BNIP2: variants seen among roughly 807,000 people sequenced by gnomAD.
BNIP2 encodes BCL2/adenovirus E1B 19 kDa protein-interacting protein 2.
Under a neutral mutation model 43.4 loss-of-function variants are expected in BNIP2, and 36 were observed. The ratio of observed to expected loss-of-function variants is 0.83; its 90% CI spans 0.64 to 1.10. BNIP2 has a LOEUF of 1.10. Among genes scored for constraint, BNIP2 ranks in the 50% least tolerant of loss-of-function variants. The pLI, the probability that BNIP2 is intolerant of heterozygous loss-of-function variation, is 0.00. For synonymous variants in BNIP2, 146 were observed against 121.0 expected, an observed-to-expected ratio of 1.21 and a Z score of -1.35; for missense variants, 417 against 374.1, an observed-to-expected ratio of 1.11 and a Z score of -0.95.
intron 2 of BNIP2, among the ~76,000 whole-genome samples, chr15:59,681,528 A>G (rs1893672255): frequency 6.6e-6 from 1 of 150,736 alleles, no homozygotes; most frequent in African/African-American, 2.5e-5. Context: ...GGCTCACGGC[A>G]ACCCCTGCCT....
intron 8 of BNIP2, 27 bp from the exon 9 acceptor site, chr15:59,669,017 T>C (rs545417919): frequency 5.1e-5 from 79 of 1,562,032 alleles, no homozygotes; most frequent in Non-Finnish European, 6.5e-5. Flanking sequence ...AAATAATTAC[T>C]TCCATATTTC....
chr15:59,677,543 G>A (rs576516893), intron 5 of BNIP2, among the ~76,000 whole-genome samples: 1 of 152,300 alleles, frequency 6.6e-6, no homozygotes, highest in East Asian at 1.9e-4. Flanking sequence ...CTTTACCAAA[G>A]GAGGGGAGAC....
chr15:59,673,429 T>C (rs574968812), intron 5 of BNIP2, among the ~76,000 whole-genome samples: 1 of 152,058 alleles, frequency 6.6e-6, no homozygotes, highest in Non-Finnish European at 1.5e-5. Context: ...GGTGCTTTTT[T>C]AAATTTTTTT....
intron 5 of BNIP2, chr15:59,676,835 C>A: frequency 1.9e-6 from 3 of 1,555,648 alleles, no homozygotes; most frequent in Non-Finnish European, 2.6e-6. Flanking sequence ...CCCTTCCTGC[C>A]GGGAATTCTG....
At chr15:59,677,032 T>C (rs1893345734) in intron 5 of BNIP2, 12 of 1,612,206 alleles carry the variant, frequency 7.4e-6, no homozygotes, top group East Asian at 2.2e-5. Flanking sequence ...CTGTTAATCA[T>C]TGATTCCCTT....
At position 59,686,446 on chromosome 15, in the gene BNIP2, T is replaced by C. The variant is rs143348211; in HGVS notation, c.-58+2689A>G. Reference sequence around the variant, plus strand: ...TATAACACAATTTTACACAGTGATTTTACTATATGCAGTTTAATACTGGTG... The same window carrying C: ...TATAACACAATTTTACACAGTGATTCTACTATATGCAGTTTAATACTGGTG... On this transcript the variant is annotated intron_variant, in intron 1 of 9. Transcript: ENST00000607373. Among the ~76,000 whole-genome samples the C allele has an allele frequency of 9.8e-4, 149 of 152,322 alleles. 1 individual carries two copies. The highest frequency in any genetic ancestry group is 6.8e-3 in the Middle Eastern group (2 of 294).
At chr15:59,674,738 T>A (rs755264830) in intron 5 of BNIP2, among the ~76,000 whole-genome samples, 2 of 152,170 alleles carry the variant, frequency 1.3e-5, no homozygotes, top group African/African-American at 4.8e-5. Context: ...CTACAGTGAG[T>A]TGTGTTCTGA....
intron 1 of BNIP2, among the ~76,000 whole-genome samples, chr15:59,684,649 T>G (rs1328692991): frequency 2.0e-5 from 3 of 152,240 alleles, no homozygotes; most frequent in Admixed American, 6.5e-5. Context: ...TTCCCAATGT[T>G]TAACTTTTCT....
At chr15:59,677,729 A>C (rs1893396899) in intron 5 of BNIP2, 182 bp downstream of exon 5, 1 of 1,156,240 alleles carries the variant, frequency 8.6e-7, no homozygotes, top group East Asian at 2.9e-5. Flanking sequence ...AAAGTTACAA[A>C]AAAAACAAGC....
chr15:59,667,908 G>T (rs1024958011), intron 9 of BNIP2, among the ~76,000 whole-genome samples: 1 of 152,128 alleles, frequency 6.6e-6, no homozygotes, highest in Admixed American at 6.5e-5. Context: ...ATCATATATG[G>T]CAATAAAACA....
chr15:59,680,180 C>G, intron 3 of BNIP2, 61 bp downstream of exon 3: 1 of 1,153,160 alleles, frequency 8.7e-7, no homozygotes, highest in Non-Finnish European at 1.2e-6. Flanking sequence ...GACAAAGAAA[C>G]GTGTTTTAAA....
Position 59,678,280 on chromosome 15 carries a change from GTTCT to G in BNIP2, c.296-197_296-194del, listed in dbSNP as rs1181520014. On this transcript the variant is annotated intron_variant, in intron 4 of 9. Transcript: ENST00000607373. ...CTGTTTTATGTCTTTGGAAATCATGGTTCTTTAACTTTTATTGCCCAATTTAGCA... is the reference window on the plus strand; with the variant it reads ...CTGTTTTATGTCTTTGGAAATCATGGTTAACTTTTATTGCCCAATTTAGCA... 9.1e-5 allele frequency: 119 copies of G among 1,305,400 alleles called. No homozygotes were observed. In the African/African-American group the frequency reaches 1.7e-3, roughly 19 times the overall value. 80.9% of individuals were successfully genotyped at this position (1,305,400 alleles called of 1,614,324 possible). A position where few individuals can be genotyped will look rare whatever the true frequency, so the allele number is the denominator to read the frequency against.
Position 59,661,878 on chromosome 15 carries a change from CCA to C in BNIP2, c.*2189_*2190del. 1 of 152,250 alleles carries C rather than the reference CCA, an allele frequency of 6.6e-6. No individual in the cohort carries two copies. The highest frequency in any genetic ancestry group is 2.1e-4 in the South Asian group (1 of 4,822). The allele number at this position is 152,250 out of a possible 1,614,324, so 9.4% of individuals were successfully genotyped here. A position where few individuals can be genotyped will look rare whatever the true frequency, so the allele number is the denominator to read the frequency against. ...CATTTATTGTGGGTACATCTCTATACCAGATTCCATTAAGGTGCAGGTTAAAG... is the reference window on the plus strand; with the variant it reads ...CATTTATTGTGGGTACATCTCTATACGATTCCATTAAGGTGCAGGTTAAAG... On this transcript the variant is annotated 3_prime_UTR_variant, in exon 10 of 10. Coordinates refer to ENST00000607373, the MANE Select transcript of BNIP2 (RefSeq NM_004330.4).
intron 6 of BNIP2, among the ~76,000 whole-genome samples, chr15:59,671,790 C>A (rs1280555231): frequency 6.6e-6 from 1 of 152,190 alleles, no homozygotes; most frequent in Non-Finnish European, 1.5e-5. Context: ...AAAATCACTT[C>A]TTTACACTTA....
intron 8 of BNIP2, 136 bp downstream of exon 8, chr15:59,669,140 G>A (rs1892744307): frequency 3.9e-6 from 4 of 1,028,434 alleles, no homozygotes; most frequent in Non-Finnish European, 5.7e-6. Flanking sequence ...TAATCACCCA[G>A]GTTTGATCAT....
intron 6 of BNIP2, chr15:59,672,430 T>C: frequency 9.5e-6 from 4 of 421,752 alleles, no homozygotes; most frequent in Non-Finnish European, 1.7e-5. Flanking sequence ...CATACTACCA[T>C]GCCTGGCTAA....
At chr15:59,685,533 CTAAA>C (rs1434711219) in intron 1 of BNIP2, among the ~76,000 whole-genome samples, 5 of 152,110 alleles carry the variant, frequency 3.3e-5, no homozygotes, top group African/African-American at 9.7e-5. Context: ...ACAACAAAAA[CTAAA>C]TAGCTCCTCG....
intron 4 of BNIP2, chr15:59,678,568 G>A: frequency 9.0e-7 from 1 of 1,112,156 alleles, no homozygotes; most frequent in Non-Finnish European, 1.1e-6. Context: ...CATTTGATCA[G>A]TTTTATAAAG....
intron 1 of BNIP2, chr15:59,688,810 A>G (rs1240015116): frequency 6.5e-7 from 1 of 1,528,316 alleles, no homozygotes; most frequent in South Asian, 1.2e-5. Flanking sequence ...CAGCCACTTC[A>G]CCCACACCAG....
Sources: allele counts gnomAD v4.1 joint callset (sites outside exome capture counted in the v4.1 genomes callset), GRCh38; gene constraint gnomAD v4.1.1; transcripts MANE v1.5; gene names NCBI Gene and HGNC (gene_info 2026-07-23, HGNC 2026-07-21).